Variants in TRAPPC9 observed in about 807,000 individuals in gnomAD.
TRAPPC9 encodes IKK2 binding protein.
A neutral mutation model predicts 124.0 loss-of-function variants in TRAPPC9; 83 were observed. The observed-to-expected ratio is 0.67, with a 90% CI of 0.56 to 0.80. The LOEUF (loss-of-function observed/expected upper bound fraction) is 0.80, where lower values mean the gene tolerates loss of function less well. Among genes scored for constraint, TRAPPC9 ranks in the 30% least tolerant of loss-of-function variants. The pLI, the probability that TRAPPC9 is intolerant of heterozygous loss-of-function variation, is 0.00. For missense variants in TRAPPC9, 1,302 were observed against 1,508.3 expected, an observed-to-expected ratio of 0.86 and a Z score of 2.27; for synonymous variants, 638 against 617.5, an observed-to-expected ratio of 1.03 and a Z score of -0.49.
intron 21 of TRAPPC9, among the ~76,000 whole-genome samples, chr8:139,747,340 T>G (rs1321691110): frequency 6.6e-6 from 1 of 151,690 alleles, no homozygotes; most frequent in South Asian, 2.1e-4. Context: ...CATGAGACCC[T>G]TTCCTAGAGG....
chr8:140,207,459 T>C (rs1343784543), intron 17 of TRAPPC9, among the ~76,000 whole-genome samples: 2 of 152,214 alleles, frequency 1.3e-5, no homozygotes, highest in African/African-American at 2.4e-5. Flanking sequence ...TCATTCTCAA[T>C]AGCAAATCTA....
At chr8:140,154,771 A>G (rs2061601223) in intron 17 of TRAPPC9, among the ~76,000 whole-genome samples, 1 of 152,210 alleles carries the variant, frequency 6.6e-6, no homozygotes. Context: ...TTAAATTACT[A>G]TGTCTACAGA....
chr8:140,170,149 C>T (rs1273853594), intron 17 of TRAPPC9, among the ~76,000 whole-genome samples: 1 of 152,264 alleles, frequency 6.6e-6, no homozygotes, highest in Non-Finnish European at 1.5e-5. Context: ...TATCAGGATG[C>T]TCATAATCTG....
chr8:139,867,925 G>A (rs1486687024), intron 21 of TRAPPC9, among the ~76,000 whole-genome samples: 4 of 152,114 alleles, frequency 2.6e-5, no homozygotes, highest in South Asian at 2.1e-4. Flanking sequence ...ATGGGATCTC[G>A]GCATGAGATC....
intron 21 of TRAPPC9, among the ~76,000 whole-genome samples, chr8:139,808,275 A>G (rs1824204494): frequency 6.6e-6 from 1 of 152,160 alleles, no homozygotes; most frequent in Non-Finnish European, 1.5e-5. Context: ...CCTGACCAAC[A>G]TGGAGAAACC....
chr8:140,403,663 T>C (rs1287712517), intron 6 of TRAPPC9, among the ~76,000 whole-genome samples: 1 of 49,212 alleles, frequency 2.0e-5, no homozygotes, highest in Non-Finnish European at 7.4e-5. Flanking sequence ...AAAGTATACT[T>C]TTTTTTTTTT....
At chr8:140,045,631 GAAAAA>G (rs57243402) in intron 17 of TRAPPC9, among the ~76,000 whole-genome samples, 35 of 33,248 alleles carry the variant, frequency 1.1e-3, no homozygotes, top group South Asian at 2.0e-3. Flanking sequence ...CATCTCGGCA[GAAAAA>G]AAAAAAAAAA....
At chr8:139,867,996 G>A (rs569080978) in intron 21 of TRAPPC9, among the ~76,000 whole-genome samples, 1 of 152,178 alleles carries the variant, frequency 6.6e-6, no homozygotes, top group African/African-American at 2.4e-5. Flanking sequence ...ACAAGAGAAT[G>A]TCCTTGTTCG....
intron 17 of TRAPPC9, among the ~76,000 whole-genome samples, chr8:140,116,987 A>G (rs2130569375): frequency 1.3e-5 from 2 of 152,160 alleles, no homozygotes; most frequent in Middle Eastern, 6.8e-3. Flanking sequence ...CCACCCAGAT[A>G]CAGCCAGAGC....
At chr8:139,767,247 A>G (rs972819843) in intron 21 of TRAPPC9, among the ~76,000 whole-genome samples, 3 of 152,244 alleles carry the variant, frequency 2.0e-5, no homozygotes, top group African/African-American at 7.2e-5. Flanking sequence ...TAGACAGGGT[A>G]CAGCACAGAT....
chr8:139,963,064 G>C (rs1835444220), intron 19 of TRAPPC9, among the ~76,000 whole-genome samples: 1 of 152,196 alleles, frequency 6.6e-6, no homozygotes, highest in Non-Finnish European at 1.5e-5. Context: ...CAGCAATAGA[G>C]AACTAATACC....
chr8:140,446,029 AT>A (rs1296233018), intron 2 of TRAPPC9, among the ~76,000 whole-genome samples: 2 of 152,240 alleles, frequency 1.3e-5, no homozygotes, highest in Non-Finnish European at 2.9e-5. Context: ...GCAGTGGCTC[AT>A]GCCTATAATC....
chr8:140,064,549 A>T (rs757847248), intron 17 of TRAPPC9, among the ~76,000 whole-genome samples: 1 of 152,208 alleles, frequency 6.6e-6, no homozygotes, highest in Non-Finnish European at 1.5e-5. Flanking sequence ...TTTCCCCTGC[A>T]GGCGCACAGG....
At chr8:140,099,224 A>AGCTGCAGGAGTGCCGCAG (rs1563760255) in intron 17 of TRAPPC9, 1 of 151,398 alleles carries the variant, frequency 6.6e-6, no homozygotes, top group Non-Finnish European at 1.5e-5. Flanking sequence ...GTCTCTGCGC[A>AGCTGCAGGAGTGCCGCAG]GCTGCAGGAG....
At chr8:140,041,363 C>A (rs1404397330) in intron 17 of TRAPPC9, among the ~76,000 whole-genome samples, 1 of 152,220 alleles carries the variant, frequency 6.6e-6, no homozygotes, top group African/African-American at 2.4e-5. Context: ...CGTACACCTG[C>A]ACAGCAAGGT....
chr8:139,978,698 C>T (rs921241909), intron 19 of TRAPPC9, among the ~76,000 whole-genome samples: 5 of 152,204 alleles, frequency 3.3e-5, no homozygotes, highest in Non-Finnish European at 7.3e-5. Flanking sequence ...AAAGACCACA[C>T]AGCGATGGCT....
intron 19 of TRAPPC9, among the ~76,000 whole-genome samples, chr8:139,977,959 G>A (rs762032064): frequency 9.9e-5 from 15 of 152,050 alleles, no homozygotes; most frequent in South Asian, 2.1e-4. Context: ...GGGATTATGG[G>A]TGTGAGCCAC....
At chr8:139,892,500 C>A (rs188454557) in intron 20 of TRAPPC9, among the ~76,000 whole-genome samples, 16 of 152,216 alleles carry the variant, frequency 1.1e-4, no homozygotes, top group Admixed American at 5.9e-4. Flanking sequence ...AATGTGGAGA[C>A]AGAGGAAGAC....
At chr8:140,449,693 G>C (rs983489544) in intron 2 of TRAPPC9, among the ~76,000 whole-genome samples, 1 of 152,204 alleles carries the variant, frequency 6.6e-6, no homozygotes, top group Non-Finnish European at 1.5e-5. Flanking sequence ...TGGCTGCTTT[G>C]TAAGTGAGGA....
Sources: allele counts gnomAD v4.1 joint callset (sites outside exome capture counted in the v4.1 genomes callset), GRCh38; gene constraint gnomAD v4.1.1; transcripts MANE v1.5; gene names NCBI Gene and HGNC (gene_info 2026-07-23, HGNC 2026-07-21).